Variants in CDKAL1 observed in about 807,000 individuals in gnomAD.
CDKAL1 encodes the protein CDKAL1 threonylcarbamoyladenosine tRNA methylthiotransferase.
CDKAL1 carries 32 observed loss-of-function variants against 68.2 expected under a neutral mutation model. That is an observed-to-expected ratio of 0.47 (90% CI 0.35 to 0.63). The LOEUF is 0.63. Ranked by LOEUF, CDKAL1 falls within the 30% of genes least tolerant of loss-of-function variation. The pLI, the probability that CDKAL1 is intolerant of heterozygous loss-of-function variation, is 0.00. For missense variants in CDKAL1, 606 were observed against 696.7 expected (o/e 0.87, Z 1.47); for synonymous variants, 234 against 244.3 (o/e 0.96, Z 0.39).
intron 5 of CDKAL1, among the ~76,000 whole-genome samples, chr6:20,676,003 A>G (rs1770077779): frequency 6.6e-6 from 1 of 152,156 alleles, no homozygotes; most frequent in African/African-American, 2.4e-5. Context: ...TTGTGTCTTC[A>G]TTCTTAAGAA....
chr6:20,850,703 G>T (rs1758960043), intron 9 of CDKAL1, among the ~76,000 whole-genome samples: 1 of 152,236 alleles, frequency 6.6e-6, no homozygotes, highest in Middle Eastern at 3.4e-3. Context: ...CTCCCAAAGT[G>T]CAGGGATTAC....
intron 15 of CDKAL1, among the ~76,000 whole-genome samples, chr6:21,203,331 A>T (rs1210258368): frequency 7.1e-6 from 1 of 141,712 alleles, no homozygotes; most frequent in Non-Finnish European, 1.5e-5. Flanking sequence ...CCACCCCCCA[A>T]GTTCAAGCAA....
At chr6:21,189,850 C>T (rs1778163315) in intron 13 of CDKAL1, among the ~76,000 whole-genome samples, 1 of 152,130 alleles carries the variant, frequency 6.6e-6, no homozygotes, top group African/African-American at 2.4e-5. Flanking sequence ...TGAGCATAAA[C>T]AGTCAGGAAA....
rs1774207192 is a variant in CDKAL1 at position 20,756,859 on chromosome 6, CCT to C, written c.469-1735_469-1734del. 3.1e-4 allele frequency: 12 copies of C among 38,228 alleles called. No homozygotes were observed. The South Asian group carries it at 7.0e-3, about 22-fold the overall frequency. 2.4% of individuals were successfully genotyped at this position (38,228 alleles called of 1,614,324 possible). On this transcript the variant is annotated intron_variant, in intron 6 of 15. Coordinates refer to ENST00000274695, the MANE Select transcript of CDKAL1 (RefSeq NM_017774.3). ...TCCTTTCTTCCTTCCTTCTCCCCTT[CCT>C]TCCTTCCTTCCTTCCTTCCTTCCTT...
intron 4 of CDKAL1, among the ~76,000 whole-genome samples, chr6:20,609,421 A>G (rs1581813727): frequency 7.9e-6 from 1 of 126,856 alleles, no homozygotes; most frequent in African/African-American, 3.1e-5. Context: ...TTTGAGATGG[A>G]ATCTCACTCT....
intron 13 of CDKAL1, among the ~76,000 whole-genome samples, chr6:21,158,289 T>G (rs1776742979): frequency 6.6e-6 from 1 of 152,222 alleles, no homozygotes; most frequent in African/African-American, 2.4e-5. Context: ...CAAGCTGAGT[T>G]CAGCATCTGG....
At chr6:20,777,234 T>A (rs1201400975) in intron 7 of CDKAL1, among the ~76,000 whole-genome samples, 1 of 152,200 alleles carries the variant, frequency 6.6e-6, no homozygotes, top group Non-Finnish European at 1.5e-5. Flanking sequence ...AGGCACTGAA[T>A]GATAACTTGG....
At chr6:21,205,767 G>C (rs565703040) in intron 15 of CDKAL1, among the ~76,000 whole-genome samples, 1 of 149,338 alleles carries the variant, frequency 6.7e-6, no homozygotes, top group Non-Finnish European at 1.5e-5. Context: ...TCCTGACCTC[G>C]TGATCTGCCC....
chr6:20,931,524 A>C (rs1444287460), intron 9 of CDKAL1, among the ~76,000 whole-genome samples: 2 of 152,196 alleles, frequency 1.3e-5, no homozygotes, highest in Admixed American at 1.3e-4. Context: ...AAAAGGATTA[A>C]AGCGCAATTA....
intron 10 of CDKAL1, among the ~76,000 whole-genome samples, chr6:20,965,648 A>G (rs919482391): frequency 8.5e-5 from 13 of 152,162 alleles, no homozygotes; most frequent in East Asian, 1.9e-4. Context: ...TTCCGTTTAT[A>G]TAGAAGAGCA....
chr6:21,192,176 C>T (rs1204351969), intron 13 of CDKAL1, among the ~76,000 whole-genome samples: 7 of 148,044 alleles, frequency 4.7e-5, no homozygotes, highest in Admixed American at 6.7e-5. Flanking sequence ...CGCCCACCAC[C>T]GCGCCCGGCT....
intron 9 of CDKAL1, among the ~76,000 whole-genome samples, chr6:20,926,173 C>T (rs925334081): frequency 6.6e-6 from 1 of 151,992 alleles, no homozygotes; most frequent in Non-Finnish European, 1.5e-5. Flanking sequence ...TATGGAAATT[C>T]GCTGCAGAAG....
chr6:21,040,242 C>A (rs1328591907), intron 11 of CDKAL1, among the ~76,000 whole-genome samples: 2 of 151,946 alleles, frequency 1.3e-5, no homozygotes, highest in African/African-American at 4.8e-5. Context: ...GTATTATATC[C>A]CTAAAGTACA....
rs1186463497 is a variant in CDKAL1, at chr6:20,892,384, G to C, written c.742+46206G>C. Among the ~76,000 whole-genome samples the C allele has an allele frequency of 2.6e-5, 4 of 152,260 alleles. No individual in the cohort carries two copies. In the South Asian group the frequency reaches 6.2e-4, roughly 24 times the overall value. Reference sequence around the variant, plus strand: ...ACAATTATAAGACAAGTACAATATTGAGTGCTGATACAATGTAAAAATTAT... The same window carrying C: ...ACAATTATAAGACAAGTACAATATTCAGTGCTGATACAATGTAAAAATTAT... On this transcript the variant is annotated intron_variant, in intron 9 of 15. Coordinates refer to ENST00000274695, the MANE Select transcript of CDKAL1 (RefSeq NM_017774.3).
chr6:20,824,345 C>T (rs186363342), intron 8 of CDKAL1, among the ~76,000 whole-genome samples: 3 of 152,156 alleles, frequency 2.0e-5, no homozygotes, highest in African/African-American at 4.8e-5. Flanking sequence ...CATTTATTAT[C>T]TCACAGCATC....
intron 10 of CDKAL1, among the ~76,000 whole-genome samples, chr6:20,978,355 C>A (rs890911721): frequency 2.6e-5 from 4 of 152,190 alleles, no homozygotes; most frequent in African/African-American, 9.7e-5. Context: ...GGAAAAAGGG[C>A]AATCAGCTGT....
intron 11 of CDKAL1, among the ~76,000 whole-genome samples, chr6:21,026,926 C>CT (rs1189350985): frequency 1.3e-5 from 2 of 152,130 alleles, no homozygotes; most frequent in Non-Finnish European, 2.9e-5. Context: ...CTTGTATTCT[C>CT]TCTTCTTCTT....
chr6:20,554,174 A>T (rs1763946088), intron 4 of CDKAL1, among the ~76,000 whole-genome samples: 3 of 152,220 alleles, frequency 2.0e-5, no homozygotes, highest in African/African-American at 7.2e-5. Flanking sequence ...TCAAAGAATA[A>T]AACTTACTGA....
intron 10 of CDKAL1, among the ~76,000 whole-genome samples, chr6:20,999,663 TAAAAAAAAAAA>T (rs36078234): frequency 8.6e-5 from 8 of 93,402 alleles, no homozygotes; most frequent in East Asian, 2.9e-4. Context: ...TGACTGAAAT[TAAAAAAAAAAA>T]AAAAAAAAAA....
Sources: gnomAD v4.1 joint callset for allele counts (sites outside exome capture counted in the v4.1 genomes callset) on GRCh38, gnomAD v4.1.1 for gene constraint, MANE v1.5 for transcripts, NCBI Gene and HGNC (gene_info 2026-07-23, HGNC 2026-07-21) for gene names.